The following CSK variants were observed in gnomAD, a reference collection of about 807,000 sequenced individuals.
The protein encoded by CSK is tyrosine-protein kinase CSK.
Under a neutral mutation model 62.3 loss-of-function variants are expected in CSK, and 7 were observed. That is an observed-to-expected ratio of 0.11 (90% CI 0.06 to 0.21). The LOEUF is 0.21. Ranked by LOEUF, CSK falls within the 10% of genes least tolerant of loss-of-function variation. CSK has a pLI of 1.00. For synonymous variants in CSK, 237 were observed against 246.0 expected, an observed-to-expected ratio of 0.96 and a Z score of 0.34; for missense variants, 294 against 613.5, an observed-to-expected ratio of 0.48 and a Z score of 5.50.
intron 11 of CSK, 26 bp from the exon 12 acceptor site, chr15:74,801,971 C>A: frequency 6.2e-7 from 1 of 1,612,388 alleles, no homozygotes; most frequent in Non-Finnish European, 8.5e-7. Flanking sequence ...CAGGATCTGA[C>A]GCTGCTTCTT....
At position 74,798,194 on chromosome 15, in the gene CSK, C is replaced by A; in HGVS notation, c.-65-39C>A. The A allele has an allele frequency of 7.5e-7, 1 of 1,338,084 alleles. No individual in the cohort carries two copies. Among genetic ancestry groups the A allele is most frequent in the East Asian group, 2.4e-5 (1 of 41,448 alleles). 82.9% of individuals were successfully genotyped at this position (1,338,084 alleles called of 1,614,324 possible). On this transcript the variant is annotated intron_variant, in intron 1 of 12. Coordinates refer to ENST00000220003, the MANE Select transcript of CSK (RefSeq NM_004383.3). This position sits in a 1 kb window ranked among gnomAD's most constrained non-coding sequence, Gnocchi z 6.6. Reference sequence around the variant, plus strand: ...AGATCTCAGCAGTTGGGGGGCATTTCTTCACACCCCTCCTCAGTCTTCATG... The same window carrying A: ...AGATCTCAGCAGTTGGGGGGCATTTATTCACACCCCTCCTCAGTCTTCATG...
In CSK at chr15:74,802,008, T is replaced by G; in HGVS notation, c.1095T>G (p.Thr365=). The change falls in exon 12 of 13, where the codon ACT becomes ACG. Residue 365 remains threonine, a synonymous_variant. Coordinates refer to ENST00000220003, the MANE Select transcript of CSK (RefSeq NM_004383.3). The part of the protein sequence containing the change: ...PEALREKKFS[T]KSDVWSFGIL... ...CATCCACATGGCAGAAATTCTCCAC[T>G]AAGTCTGACGTGTGGAGTTTCGGAA... 6.2e-7 allele frequency: 1 copy of G among 1,613,994 alleles called. No homozygotes were observed. Among genetic ancestry groups the G allele is most frequent in the Non-Finnish European group, 8.5e-7 (1 of 1,179,930 alleles).
At chr15:74,785,342 C>G (rs1177361971) in intron 1 of CSK, among the ~76,000 whole-genome samples, 1 of 152,186 alleles carries the variant, frequency 6.6e-6, no homozygotes, top group Non-Finnish European at 1.5e-5. Flanking sequence ...ATCACCCATA[C>G]ACTGGAGCGT....
At chr15:74,784,381 G>A (rs900199179) in intron 1 of CSK, among the ~76,000 whole-genome samples, 1 of 152,022 alleles carries the variant, frequency 6.6e-6, no homozygotes, top group African/African-American at 2.4e-5. Flanking sequence ...TCCCACCCCA[G>A]TCAGCCTTTT....
Position 74,801,889 on chromosome 15 carries a change from A to G in CSK, c.1082A>G (p.Lys361Arg). 1 of 1,610,172 alleles carries G rather than the reference A, an allele frequency of 6.2e-7. No homozygotes were observed. Among genetic ancestry groups the G allele is most frequent in the Non-Finnish European group, 8.5e-7 (1 of 1,177,100 alleles). ...KWTAPEALREKKFSTKSDVWS... is the reference protein window; with the variant it reads ...KWTAPEALRERKFSTKSDVWS... ...ACAGCCCCTGAGGCCCTGAGAGAGA[A>G]GGTGGGGCTGGCCTCCCCTGGGGCC... The change falls in exon 11 of 13, where the codon AAG becomes AGG. Residue 361 changes from lysine (K) to arginine (R), a missense_variant and splice_region_variant. Lys to Arg is a conservative substitution (Grantham distance 26). Coordinates refer to ENST00000220003, the MANE Select transcript of CSK (RefSeq NM_004383.3).
At chr15:74,783,513 C>G (rs986269333) in intron 1 of CSK, among the ~76,000 whole-genome samples, 3 of 152,186 alleles carry the variant, frequency 2.0e-5, no homozygotes, top group African/African-American at 4.8e-5. Context: ...CCCCAGGCCT[C>G]TAGTGGAGTT....
chr15:74,798,620 C>A lies in CSK; in HGVS notation c.21C>A (p.Ala7=), dbSNP rs201857254. 3 of 1,613,270 alleles carry A rather than the reference C, an allele frequency of 1.9e-6. No individual in the cohort carries two copies. The highest frequency in any genetic ancestry group is 1.7e-5 in the Admixed American group (1 of 60,026). Residue 7 remains alanine, a synonymous_variant, in exon 3 of 13, where the codon GCC becomes GCA. Transcript: ENST00000220003. The surrounding 1 kb of genome is among the most constrained non-coding windows in gnomAD (Gnocchi z 6.6). MSAIQA[A]WPSGTECIAK... is the part of the protein sequence containing the mutation. ...ACGTGTCACCTGCCTTGCAGGCCGC[C>A]TGGCCATCCGGTACAGAATGTATTG...
intron 9 of CSK, 74 bp downstream of exon 9, chr15:74,801,176 G>A: frequency 6.5e-7 from 1 of 1,539,586 alleles, no homozygotes; most frequent in Non-Finnish European, 9.0e-7. Context: ...TAGGGCCCCT[G>A]CTCCCTCAGT....
chr15:74,793,828 A>G (rs1290492354), intron 1 of CSK, among the ~76,000 whole-genome samples: 1 of 152,054 alleles, frequency 6.6e-6, no homozygotes, highest in East Asian at 1.9e-4. Flanking sequence ...CTAACAGCGC[A>G]GCAGCCTCCG....
At chr15:74,785,140 C>T (rs1202426595) in intron 1 of CSK, among the ~76,000 whole-genome samples, 1 of 152,224 alleles carries the variant, frequency 6.6e-6, no homozygotes, top group Admixed American at 6.5e-5. Context: ...ACTGTGTTAG[C>T]ATTTTGGAGT....
rs773409430 is a variant in CSK at position 74,798,591 on chromosome 15, G to A, written c.16-24G>A. On this transcript the variant is annotated intron_variant, in intron 2 of 12. Coordinates refer to ENST00000220003, the MANE Select transcript of CSK (RefSeq NM_004383.3). The surrounding 1 kb of genome is among the most constrained non-coding windows in gnomAD (Gnocchi z 6.6). The stretch of plus-strand genomic sequence containing the variant: ...GCTGGAGGGGGCCCAGGCTGCACCC[G>A]CCCACGTGTCACCTGCCTTGCAGGC... The A allele has an allele frequency of 5.6e-6, 9 of 1,603,056 alleles. No homozygotes were observed. The highest frequency in any genetic ancestry group is 2.2e-5 in the East Asian group (1 of 44,822).
At chr15:74,786,206 C>T (rs946203905) in intron 1 of CSK, among the ~76,000 whole-genome samples, 1 of 151,638 alleles carries the variant, frequency 6.6e-6, no homozygotes, top group African/African-American at 2.4e-5. Flanking sequence ...TTTTTAGTAG[C>T]GATGGGGTTT....
chr15:74,802,273 G>T, intron 12 of CSK, 58 bp from the exon 13 acceptor site: 1 of 1,502,800 alleles, frequency 6.7e-7, no homozygotes, highest in Non-Finnish European at 8.9e-7. Flanking sequence ...AGGCTGCTGG[G>T]TAGGTGTCCT....
At chr15:74,785,237 T>C (rs550357449) in intron 1 of CSK, among the ~76,000 whole-genome samples, 1 of 152,368 alleles carries the variant, frequency 6.6e-6, no homozygotes, top group African/African-American at 2.4e-5. Flanking sequence ...CATTTAATAC[T>C]GCGTCTGTGG....
chr15:74,799,745 C>T (rs1342821376), intron 5 of CSK, among the ~76,000 whole-genome samples: 8 of 152,320 alleles, frequency 5.3e-5, no homozygotes, highest in Non-Finnish European at 1.2e-4. Flanking sequence ...AGGTTCAGAG[C>T]AGTTAGGGGA....
intron 5 of CSK, 77 bp from the exon 6 acceptor site, chr15:74,800,335 T>G (rs1465300673): frequency 8.2e-6 from 11 of 1,345,032 alleles, no homozygotes; most frequent in Non-Finnish European, 1.2e-5. Context: ...TCTGCCGCCC[T>G]CTGGTGGTCA....
chr15:74,784,050 A>C (rs571579445), intron 1 of CSK, among the ~76,000 whole-genome samples: 2 of 152,180 alleles, frequency 1.3e-5, no homozygotes, highest in Non-Finnish European at 2.9e-5. Context: ...TGGCCACAGC[A>C]GGAACAGGGC....
chr15:74,785,270 G>A (rs1376059344), intron 1 of CSK, among the ~76,000 whole-genome samples: 1 of 152,116 alleles, frequency 6.6e-6, no homozygotes, highest in Non-Finnish European at 1.5e-5. Context: ...GGTGCTACGC[G>A]GTCTAAGTAA....
Position 74,802,566 on chromosome 15 carries a change from A to C in CSK, c.*53A>C. ...CTGTGGGGACTGAACCTGGAAGATC[A>C]TGGACCTGGTGCCCCTGCTCACTGG... On this transcript the variant is annotated 3_prime_UTR_variant, in exon 13 of 13. Transcript: ENST00000220003. 4 of 1,587,308 alleles carry C rather than the reference A, an allele frequency of 2.5e-6. No homozygotes were observed. Among genetic ancestry groups the C allele is most frequent in the Non-Finnish European group, 3.4e-6 (4 of 1,171,424 alleles).
Sources: gnomAD v4.1 joint callset for allele counts (sites outside exome capture counted in the v4.1 genomes callset) on GRCh38, gnomAD v4.1.1 for gene constraint, Gnocchi (gnomAD v3.1) non-coding constraint, MANE v1.5 for transcripts, NCBI Gene and HGNC (gene_info 2026-07-23, HGNC 2026-07-21) for gene names.